Variants in GRIK2 observed in about 807,000 individuals in gnomAD.
GRIK2 encodes the protein glutamate ionotropic receptor kainate type subunit 2.
GRIK2 carries 32 observed loss-of-function variants against 100.3 expected under a neutral mutation model. That is an observed-to-expected ratio of 0.32 (90% CI 0.24 to 0.43). The LOEUF (loss-of-function observed/expected upper bound fraction) is 0.43. Among genes scored for constraint, GRIK2 ranks in the 20% least tolerant of loss-of-function variants. The pLI is 1.00. For synonymous variants in GRIK2, 417 were observed against 389.4 expected (o/e 1.07, Z -0.83); for missense variants, 843 against 1,114.9 (o/e 0.76, Z 3.47).
At chr6:101,841,458 G>A (rs534751795) in intron 10 of GRIK2, among the ~76,000 whole-genome samples, 105 of 151,790 alleles carry the variant, frequency 6.9e-4, no homozygotes, top group Admixed American at 3.2e-3. Context: ...CTGCCCCCCA[G>A]GTTCAAGCTA....
intron 12 of GRIK2, among the ~76,000 whole-genome samples, chr6:101,910,982 A>G (rs760696581): frequency 5.3e-5 from 8 of 151,368 alleles, no homozygotes; most frequent in Non-Finnish European, 7.4e-5. Context: ...CTTCACATAT[A>G]TGTATAGTGG....
intron 2 of GRIK2, among the ~76,000 whole-genome samples, chr6:101,406,831 T>A (rs1775621746): frequency 6.6e-6 from 1 of 152,192 alleles, no homozygotes; most frequent in Admixed American, 6.5e-5. Flanking sequence ...AGTGATTATT[T>A]TAAATAAGAT....
At chr6:102,016,065 C>A (rs1186923609) in intron 14 of GRIK2, among the ~76,000 whole-genome samples, 1 of 151,972 alleles carries the variant, frequency 6.6e-6, no homozygotes, top group Non-Finnish European at 1.5e-5. Context: ...AAAAACAGCA[C>A]AAGAACTCTG....
At chr6:101,610,986 T>C (rs980808919) in intron 2 of GRIK2, among the ~76,000 whole-genome samples, 9 of 151,742 alleles carry the variant, frequency 5.9e-5, no homozygotes, top group African/African-American at 2.2e-4. Context: ...AACATTTAAG[T>C]AGCCATTTCC....
intron 2 of GRIK2, among the ~76,000 whole-genome samples, chr6:101,422,822 A>T (rs186948814): frequency 6.6e-6 from 1 of 152,326 alleles, no homozygotes; most frequent in Non-Finnish European, 1.5e-5. Context: ...ATTGGAACTC[A>T]ACCAGAAAAA....
At chr6:101,651,954 G>T (rs922377988) in intron 4 of GRIK2, among the ~76,000 whole-genome samples, 1 of 152,150 alleles carries the variant, frequency 6.6e-6, no homozygotes, top group Non-Finnish European at 1.5e-5. Flanking sequence ...AACTAAAAAT[G>T]TGGGGTACCC....
intron 2 of GRIK2, among the ~76,000 whole-genome samples, chr6:101,480,260 T>C (rs896944259): frequency 2.0e-5 from 3 of 152,114 alleles, no homozygotes; most frequent in African/African-American, 4.8e-5. Context: ...AGCAGTAAAC[T>C]TTCCTGATGA....
At chr6:101,923,247 T>A (rs1789670457) in intron 12 of GRIK2, among the ~76,000 whole-genome samples, 1 of 152,210 alleles carries the variant, frequency 6.6e-6, no homozygotes, top group South Asian at 2.1e-4. Context: ...ATGTAAGATT[T>A]TTTTTAATGC....
intron 2 of GRIK2, among the ~76,000 whole-genome samples, chr6:101,423,955 G>A (rs1471538442): frequency 1.3e-5 from 2 of 152,118 alleles, no homozygotes; most frequent in African/African-American, 4.8e-5. Flanking sequence ...AAATTATATG[G>A]AATGTAAGGT....
At chr6:101,773,508 A>G (rs1778542076) in intron 7 of GRIK2, among the ~76,000 whole-genome samples, 1 of 151,320 alleles carries the variant, frequency 6.6e-6, no homozygotes. Context: ...AAAAAAAACT[A>G]GTGAAGAGAT....
chr6:101,460,282 A>T (rs1178773630), intron 2 of GRIK2, among the ~76,000 whole-genome samples: 1 of 152,174 alleles, frequency 6.6e-6, no homozygotes, highest in Non-Finnish European at 1.5e-5. Context: ...AGGTCTGTTT[A>T]CACAAGGACA....
chr6:102,051,634 C>T (rs1242059610), intron 15 of GRIK2, among the ~76,000 whole-genome samples: 1 of 152,024 alleles, frequency 6.6e-6, no homozygotes, highest in Non-Finnish European at 1.5e-5. Flanking sequence ...AATATATGGT[C>T]ACCCTGTGAC....
rs192702899 is a variant in GRIK2, at chr6:102,034,606, T to C, written c.2086-735T>C. ...AAAACCTATTTTCTTCTTTTAGTAATAAAATTCTAGTAAAGCCCTCCTGAG... is the reference window on the plus strand; with the variant it reads ...AAAACCTATTTTCTTCTTTTAGTAACAAAATTCTAGTAAAGCCCTCCTGAG... On this transcript the variant is annotated intron_variant, in intron 14 of 16. Coordinates refer to ENST00000369134, the MANE Select transcript of GRIK2 (RefSeq NM_021956.5). Among the ~76,000 whole-genome samples the C allele has an allele frequency of 8.8e-3, 1,333 of 151,520 alleles. 16 individuals carry two copies. The highest frequency in any genetic ancestry group is 0.014 in the Non-Finnish European group (968 of 67,574).
chr6:101,697,193 G>A (rs773205212), intron 7 of GRIK2, among the ~76,000 whole-genome samples: 6 of 151,908 alleles, frequency 3.9e-5, no homozygotes, highest in Non-Finnish European at 1.5e-5. Flanking sequence ...ATAATTATGA[G>A]TTATATTATT....
At chr6:102,002,381 ATATATATG>A (rs1193765953) in intron 14 of GRIK2, among the ~76,000 whole-genome samples, 25 of 143,276 alleles carry the variant, frequency 1.7e-4, no homozygotes, top group Non-Finnish European at 3.3e-4. Flanking sequence ...TATTTATGTT[ATATATATG>A]TATATATGTA....
At chr6:101,614,053 C>A (rs1342242899) in intron 2 of GRIK2, among the ~76,000 whole-genome samples, 2 of 151,398 alleles carry the variant, frequency 1.3e-5, no homozygotes, top group Non-Finnish European at 3.0e-5. Flanking sequence ...TTCCTGGAGG[C>A]CAATGTGTAG....
intron 9 of GRIK2, among the ~76,000 whole-genome samples, chr6:101,817,876 C>T (rs868142858): frequency 6.6e-6 from 1 of 152,182 alleles, no homozygotes. Flanking sequence ...TGGGCATGGT[C>T]TTATCCCACC....
At chr6:101,430,102 C>T (rs867510523) in intron 2 of GRIK2, among the ~76,000 whole-genome samples, 76 of 152,280 alleles carry the variant, frequency 5.0e-4, no homozygotes, top group African/African-American at 1.8e-3. Context: ...GCTGGGCACA[C>T]AGACTCACCA....
At chr6:101,970,971 AGCATTATTTTG>A (rs71651086) in intron 14 of GRIK2, among the ~76,000 whole-genome samples, 2,605 of 150,974 alleles carry the variant, frequency 0.017, 238 homozygotes, top group African/African-American at 0.062. Flanking sequence ...CCAGAAGCTC[AGCATTATTTTG>A]GCATAATGGG....
Sources: allele counts gnomAD v4.1 joint callset (sites outside exome capture counted in the v4.1 genomes callset), GRCh38; gene constraint gnomAD v4.1.1; transcripts MANE v1.5; gene names NCBI Gene and HGNC (gene_info 2026-07-23, HGNC 2026-07-21).